Variants in NCALD observed in about 807,000 individuals in gnomAD.
The protein encoded by NCALD is neurocalcin delta, also known as neurocalcin-delta.
Under a neutral mutation model 18.6 loss-of-function variants are expected in NCALD, and 10 were observed. The observed-to-expected ratio is 0.54, with a 90% CI of 0.33 to 0.91. The LOEUF (loss-of-function observed/expected upper bound fraction) is 0.91. Among genes scored for constraint, NCALD ranks in the 40% least tolerant of loss-of-function variants. NCALD has a pLI of 0.03. For synonymous variants in NCALD, 88 were observed against 87.4 expected (o/e 1.01, Z -0.04); for missense variants, 184 against 247.6 (o/e 0.74, Z 1.72).
At chr8:102,048,010 C>A (rs1317734874) in intron 1 of NCALD, among the ~76,000 whole-genome samples, 1 of 152,088 alleles carries the variant, frequency 6.6e-6, no homozygotes, top group Non-Finnish European at 1.5e-5. Context: ...GAATAAAGAT[C>A]ACTTGGGGAA....
At chr8:101,967,671 G>T (rs950051209) in intron 2 of NCALD, among the ~76,000 whole-genome samples, 1 of 152,104 alleles carries the variant, frequency 6.6e-6, no homozygotes, top group Non-Finnish European at 1.5e-5. Flanking sequence ...GGCCTAATGG[G>T]TTATCAATGC....
intron 4 of NCALD, among the ~76,000 whole-genome samples, chr8:101,845,452 G>C (rs982648583): frequency 6.6e-6 from 1 of 152,122 alleles, no homozygotes; most frequent in Admixed American, 6.5e-5. Flanking sequence ...ATTATGGGAT[G>C]ACTACAACCC....
intron 3 of NCALD, among the ~76,000 whole-genome samples, chr8:101,900,237 A>G (rs892525895): frequency 4.6e-5 from 7 of 151,848 alleles, no homozygotes; most frequent in Admixed American, 2.0e-4. Context: ...TTGGCAATAT[A>G]TATCTTCTTT....
chr8:101,857,119 T>G (rs2131353624), intron 4 of NCALD, among the ~76,000 whole-genome samples: 2 of 152,304 alleles, frequency 1.3e-5, no homozygotes, highest in East Asian at 3.9e-4. Flanking sequence ...AACCAAGCAT[T>G]GCTACCATAA....
chr8:101,697,093 TA>T (rs1360935088), intron 2 of NCALD, among the ~76,000 whole-genome samples: 10 of 150,100 alleles, frequency 6.7e-5, no homozygotes, highest in African/African-American at 2.0e-4. Flanking sequence ...ATAGACACAA[TA>T]AAAAATGATA....
chr8:101,865,558 T>G (rs976310122), intron 4 of NCALD, among the ~76,000 whole-genome samples: 1 of 152,086 alleles, frequency 6.6e-6, no homozygotes, highest in Non-Finnish European at 1.5e-5. Flanking sequence ...GAGGCAGAGT[T>G]TATACTGTGT....
At chr8:102,020,874 T>C (rs994243148) in intron 1 of NCALD, among the ~76,000 whole-genome samples, 21 of 152,102 alleles carry the variant, frequency 1.4e-4, no homozygotes, top group African/African-American at 4.1e-4. Flanking sequence ...CTTCCTTCAG[T>C]TCCTCCTCAC....
At chr8:101,952,285 C>G (rs926458085) in intron 2 of NCALD, among the ~76,000 whole-genome samples, 1 of 152,176 alleles carries the variant, frequency 6.6e-6, no homozygotes. Flanking sequence ...TCTTCTTCCT[C>G]GGCTCCCTCT....
intron 2 of NCALD, among the ~76,000 whole-genome samples, chr8:101,964,370 G>C (rs1288408513): frequency 6.6e-6 from 1 of 152,146 alleles, no homozygotes; most frequent in Non-Finnish European, 1.5e-5. Flanking sequence ...GATTTCATTG[G>C]TGTAATCCAA....
chr8:101,802,058 C>A (rs1812889566), intron 4 of NCALD, among the ~76,000 whole-genome samples: 1 of 152,146 alleles, frequency 6.6e-6, no homozygotes, highest in Admixed American at 6.5e-5. Context: ...CTGCATCAAG[C>A]AAGGCTAGCC....
chr8:101,835,079 G>A (rs891512211), intron 4 of NCALD, among the ~76,000 whole-genome samples: 1 of 152,206 alleles, frequency 6.6e-6, no homozygotes, highest in Non-Finnish European at 1.5e-5. Context: ...CTTTTTGAGG[G>A]ATACACTTTC....
chr8:101,867,412 T>C (rs955462122), intron 4 of NCALD, among the ~76,000 whole-genome samples: 1 of 152,230 alleles, frequency 6.6e-6, no homozygotes, highest in Admixed American at 6.5e-5. Flanking sequence ...TGGTGCACAG[T>C]AGAAGCTCCA....
intron 3 of NCALD, among the ~76,000 whole-genome samples, chr8:101,913,398 T>C (rs1476148268): frequency 1.3e-5 from 2 of 152,244 alleles, no homozygotes; most frequent in East Asian, 1.9e-4. Flanking sequence ...AATTCAAAAC[T>C]TGAATGCAGA....
intron 4 of NCALD, chr8:101,887,074 C>G (rs1368485367): frequency 6.6e-6 from 1 of 152,166 alleles, no homozygotes; most frequent in East Asian, 1.9e-4. Flanking sequence ...ACCTAGGATA[C>G]AGCTTTGCAT....
chr8:101,908,683 C>T (rs1193449096), intron 3 of NCALD, among the ~76,000 whole-genome samples: 2 of 152,098 alleles, frequency 1.3e-5, no homozygotes, highest in Non-Finnish European at 2.9e-5. Context: ...CTGAAGATAA[C>T]AGGAATGAAC....
rs966283716 is a variant in NCALD at position 101,714,138 on chromosome 8, C to A, written c.378+5114G>T. ...TTCAACATAGTATTGGAAGTTCTGGCCAGGGCAATCAGGAAAGAGAAAGAA... is the reference window on the plus strand; with the variant it reads ...TTCAACATAGTATTGGAAGTTCTGGACAGGGCAATCAGGAAAGAGAAAGAA... On this transcript the variant is annotated intron_variant, in intron 2 of 3. Coordinates refer to ENST00000220931, the MANE Select transcript of NCALD (RefSeq NM_032041.3). Among the ~76,000 whole-genome samples the A allele has an allele frequency of 2.6e-5, 4 of 152,262 alleles. No homozygotes were observed. In the East Asian group the frequency reaches 5.8e-4, roughly 22 times the overall value.
chr8:102,053,866 C>G (rs1379354630), intron 1 of NCALD, among the ~76,000 whole-genome samples: 1 of 152,196 alleles, frequency 6.6e-6, no homozygotes, highest in African/African-American at 2.4e-5. Context: ...AATCTTAACT[C>G]TTTATTCACA....
At chr8:102,057,449 A>G (rs1823693933) in intron 1 of NCALD, among the ~76,000 whole-genome samples, 1 of 152,226 alleles carries the variant, frequency 6.6e-6, no homozygotes, top group Non-Finnish European at 1.5e-5. Flanking sequence ...GTAATACACA[A>G]CTAGGTATTT....
At chr8:101,866,250 T>A (rs900906692) in intron 4 of NCALD, among the ~76,000 whole-genome samples, 1 of 152,244 alleles carries the variant, frequency 6.6e-6, no homozygotes, top group African/African-American at 2.4e-5. Context: ...TCCCAAATGC[T>A]TGTTCTCATT....
Sources: gnomAD v4.1 joint callset for allele counts (sites outside exome capture counted in the v4.1 genomes callset) on GRCh38, gnomAD v4.1.1 for gene constraint, MANE v1.5 for transcripts, NCBI Gene and HGNC (gene_info 2026-07-23, HGNC 2026-07-21) for gene names.